Variants in NIPAL2 observed in about 807,000 individuals in gnomAD.
NIPAL2 encodes the protein NIPA like domain containing 2, also known as NIPA-like protein 2.
NIPAL2 carries 43 observed loss-of-function variants against 48.9 expected under a neutral mutation model. The observed-to-expected ratio is 0.88, with a 90% CI of 0.69 to 1.13. The LOEUF is 1.13. Ranked by LOEUF, NIPAL2 falls within the 50% of genes most tolerant of loss-of-function variation. NIPAL2 has a pLI of 0.00. For synonymous variants in NIPAL2, 167 were observed against 174.6 expected (o/e 0.96, Z 0.34); for missense variants, 446 against 461.4 (o/e 0.97, Z 0.31).
At chr8:98,218,502 C>G (rs2443577) in intron 5 of NIPAL2, among the ~76,000 whole-genome samples, 148,615 of 152,270 alleles carry the variant, frequency 0.98, 72,635 homozygotes, top group African/African-American at 1. Context: ...AATCTTAAAG[C>G]CTGAAGGAGG....
At chr8:98,196,201 T>C (rs1563479805) in intron 8 of NIPAL2, among the ~76,000 whole-genome samples, 196 bp from the exon 9 acceptor site, 4 of 152,234 alleles carry the variant, frequency 2.6e-5, no homozygotes, top group Admixed American at 2.0e-4. Context: ...AGAACATAGA[T>C]TTGTAAATCT....
chr8:98,274,617 T>C (rs1586465402), intron 1 of NIPAL2, among the ~76,000 whole-genome samples: 2 of 152,164 alleles, frequency 1.3e-5, no homozygotes, highest in East Asian at 3.9e-4. Flanking sequence ...AATCACTCTT[T>C]TGATATTTCC....
intron 8 of NIPAL2, among the ~76,000 whole-genome samples, chr8:98,200,991 TA>T (rs1810772579): frequency 6.6e-6 from 1 of 152,224 alleles, no homozygotes; most frequent in South Asian, 2.1e-4. Context: ...TGTTGACTTG[TA>T]GAATCAAAGA....
intron 8 of NIPAL2, among the ~76,000 whole-genome samples, chr8:98,198,385 C>T (rs1810652962): frequency 6.6e-6 from 1 of 152,194 alleles, no homozygotes; most frequent in African/African-American, 2.4e-5. Flanking sequence ...CTATGGTTTT[C>T]AGAATGGTTA....
At chr8:98,202,523 T>C (rs193213793) in intron 8 of NIPAL2, among the ~76,000 whole-genome samples, 1 of 152,254 alleles carries the variant, frequency 6.6e-6, no homozygotes, top group Non-Finnish European at 1.5e-5. Flanking sequence ...ACTGAGTTCA[T>C]ATGAGATCTG....
chr8:98,199,698 C>T (rs898631776), intron 8 of NIPAL2, among the ~76,000 whole-genome samples: 5 of 152,026 alleles, frequency 3.3e-5, no homozygotes, highest in African/African-American at 9.7e-5. Flanking sequence ...GCAAGAATTA[C>T]TAAAACGTGA....
chr8:98,250,775 A>G (rs1441019513), intron 3 of NIPAL2, among the ~76,000 whole-genome samples: 1 of 152,188 alleles, frequency 6.6e-6, no homozygotes, highest in Non-Finnish European at 1.5e-5. Flanking sequence ...GGAGAATAGG[A>G]CATTCTTTCT....
intron 2 of NIPAL2, among the ~76,000 whole-genome samples, chr8:98,253,590 C>T (rs1301324993): frequency 1.3e-5 from 2 of 152,058 alleles, no homozygotes; most frequent in Non-Finnish European, 2.9e-5. Context: ...TCTATAGTGG[C>T]ATATTTAACA....
At chr8:98,265,328 A>G (rs1471245282) in intron 1 of NIPAL2, among the ~76,000 whole-genome samples, 1 of 147,678 alleles carries the variant, frequency 6.8e-6, no homozygotes. Flanking sequence ...AGAAACTACC[A>G]TCAGAGTGAA....
At chr8:98,287,335 G>A (rs778962774) in intron 1 of NIPAL2, among the ~76,000 whole-genome samples, 18 of 152,130 alleles carry the variant, frequency 1.2e-4, no homozygotes, top group Non-Finnish European at 2.5e-4. Flanking sequence ...AAGAATCTCT[G>A]CCTTAGTACT....
intron 1 of NIPAL2, among the ~76,000 whole-genome samples, chr8:98,271,385 G>A (rs1193006803): frequency 6.6e-6 from 1 of 152,092 alleles, no homozygotes; most frequent in Non-Finnish European, 1.5e-5. Context: ...GCAGTATTTT[G>A]TAGTTCTCCT....
intron 8 of NIPAL2, among the ~76,000 whole-genome samples, chr8:98,201,435 A>G (rs985549800): frequency 2.6e-5 from 4 of 152,050 alleles, no homozygotes; most frequent in African/African-American, 9.7e-5. Flanking sequence ...CCCAGGCTTG[A>G]GAGCAGTGGT....
intron 3 of NIPAL2, among the ~76,000 whole-genome samples, chr8:98,241,840 C>T (rs1395293706): frequency 3.3e-5 from 5 of 152,048 alleles, no homozygotes; most frequent in African/African-American, 1.2e-4. Context: ...TCTTTCTATC[C>T]TCCCAGCGTC....
At position 98,222,536 on chromosome 8, in the gene NIPAL2, T is replaced by A. The variant is rs764252379; in HGVS notation, c.501A>T (p.Ala167=). ...LVNFAPNITQ[A]ISARTVQYYL... ...AATACTGTACTGTTCTTGCTGAGAT[T>A]GCCTGAGTTATATTTGGAGCAAAGT... The change falls in exon 5 of 11, where the codon GCA becomes GCT. Residue 167 remains alanine, a synonymous_variant. Coordinates refer to ENST00000430223, the MANE Select transcript of NIPAL2 (RefSeq NM_001321635.2). The A allele has an allele frequency of 7.2e-5, 116 of 1,613,996 alleles. 1 individual carries two copies. The highest frequency in any genetic ancestry group is 2.5e-6 in the Non-Finnish European group (3 of 1,179,940).
chr8:98,268,143 AG>A (rs1814887731), intron 1 of NIPAL2, among the ~76,000 whole-genome samples: 1 of 152,198 alleles, frequency 6.6e-6, no homozygotes, highest in Admixed American at 6.5e-5. Flanking sequence ...CTTTTCATAA[AG>A]AATGCTGAAG....
At chr8:98,193,310 C>T in intron 10 of NIPAL2, 1 of 1,532,552 alleles carries the variant, frequency 6.5e-7, no homozygotes, top group South Asian at 1.1e-5. Context: ...ACTATCCCCA[C>T]CCCACAGGAT....
chr8:98,255,043 T>G (rs1402717076), intron 1 of NIPAL2, among the ~76,000 whole-genome samples: 1 of 152,236 alleles, frequency 6.6e-6, no homozygotes, highest in Non-Finnish European at 1.5e-5. Flanking sequence ...GAACCAAGTC[T>G]TATGCTTCTT....
intron 1 of NIPAL2, among the ~76,000 whole-genome samples, chr8:98,258,967 G>GCAATAATT (rs1491182381): frequency 6.5e-4 from 97 of 150,338 alleles, no homozygotes; most frequent in African/African-American, 2.2e-3. Flanking sequence ...GCAGGATTTG[G>GCAATAATT]CAATAATTTC....
In NIPAL2 at chr8:98,203,164, G is replaced by C. The variant is rs145862248; in HGVS notation, c.824C>G (p.Thr275Arg). Residue 275 changes from threonine (T) to arginine (R), a missense_variant, in exon 8 of 11, where the codon ACG becomes AGG. Physicochemically the swap from Thr to Arg is moderately conservative, Grantham distance 71. Coordinates refer to ENST00000430223, the MANE Select transcript of NIPAL2 (RefSeq NM_001321635.2). ...ATGATTAACTGGCACCACTGTTGTC[G>C]TATTGTAGAGTTTCGTGGCTTGATT... The part of the protein sequence containing the change: ...FLNQATKLYN[T>R]TTVVPVNHIF... 5 of 1,614,098 alleles carry C rather than the reference G, an allele frequency of 3.1e-6. No individual in the cohort carries two copies. The highest frequency in any genetic ancestry group is 4.2e-6 in the Non-Finnish European group (5 of 1,179,968).
Sources: allele counts gnomAD v4.1 joint callset (sites outside exome capture counted in the v4.1 genomes callset), GRCh38; gene constraint gnomAD v4.1.1; transcripts MANE v1.5; gene names NCBI Gene and HGNC (gene_info 2026-07-23, HGNC 2026-07-21).